Variants in FANCD2OS observed in about 807,000 individuals in gnomAD.
FANCD2OS encodes FANCD2 opposite strand.
FANCD2OS carries 11 observed loss-of-function variants against 13.2 expected under a neutral mutation model. The observed-to-expected ratio is 0.83, with a 90% CI of 0.52 to 1.38. FANCD2OS has a LOEUF of 1.38. Ranked by LOEUF, FANCD2OS falls within the 40% of genes most tolerant of loss-of-function variation. The pLI is 0.00. For synonymous variants in FANCD2OS, 69 were observed against 84.5 expected (o/e 0.82, Z 1.01); for missense variants, 217 against 213.9 (o/e 1.01, Z -0.09).
intron 1 of FANCD2OS, among the ~76,000 whole-genome samples, chr3:10,105,765 AAAAAAATTATATATAT>A (rs1695461160): frequency 4.8e-5 from 3 of 62,670 alleles, no homozygotes; most frequent in African/African-American, 3.2e-4. Context: ...AAAAAAAAAA[AAAAAAATTATATATAT>A]ATATATATAT....
intron 1 of FANCD2OS, among the ~76,000 whole-genome samples, chr3:10,107,431 G>C (rs891422618): frequency 3.3e-5 from 5 of 151,808 alleles, no homozygotes; most frequent in Non-Finnish European, 5.9e-5. Context: ...GACTACAGGC[G>C]CCTGCCACCA....
chr3:10,091,087 T>C (rs1012266660), intron 2 of FANCD2OS, among the ~76,000 whole-genome samples: 86 of 151,548 alleles, frequency 5.7e-4, no homozygotes, highest in African/African-American at 2.0e-3. Context: ...TTTTTCTTTT[T>C]TTTTTCTTTT....
chr3:10,103,351 G>A (rs1194666436), downstream of FANCD2OS, among the ~76,000 whole-genome samples: 2 of 152,080 alleles, frequency 1.3e-5, no homozygotes, highest in African/African-American at 2.4e-5. Context: ...GCGGTGAGCC[G>A]AGATGGCGCC....
chr3:10,087,860 GC>G (rs1352459031), intron 2 of FANCD2OS, among the ~76,000 whole-genome samples: 4 of 151,962 alleles, frequency 2.6e-5, no homozygotes, highest in African/African-American at 9.7e-5. Context: ...TGTTGGTCAG[GC>G]TGGTCTCGAA....
chr3:10,081,813 C>A lies in FANCD2OS; in HGVS notation c.*44-282G>T, dbSNP rs189658301. ...GAGCTGGGCTATTCCATGATACCTT[C>A]ATGGAAACAGTGGGACTCAAGGGAA... On this transcript the variant is annotated intron_variant, in intron 2 of 2. Coordinates refer to the FANCD2OS transcript ENST00000524279. 3.9e-5 allele frequency among the ~76,000 whole-genome samples: 6 copies of A among 152,226 alleles called. No individual in the cohort carries two copies. In the East Asian group the frequency reaches 9.7e-4, roughly 24 times the overall value.
Position 10,090,378 on chromosome 3 carries a change from C to T in FANCD2OS, c.*44-8847G>A, listed in dbSNP as rs374940277. 2.3e-5 allele frequency: 37 copies of T among 1,604,914 alleles called. No homozygotes were observed. The highest frequency in any genetic ancestry group is 5.0e-5 in the Admixed American group (3 of 59,736). ...ATTGAGCCTGGCACAGCAGCAGACT[C>T]GCAGCAGGTGAGTAAGATAATAGTC... On this transcript the variant is annotated intron_variant, in intron 2 of 2. Transcript: ENST00000524279.
Position 10,104,665 on chromosome 3 carries a change from G to A in FANCD2OS, c.110C>T (p.Pro37Leu). 6 of 1,614,160 alleles carry A rather than the reference G, an allele frequency of 3.7e-6. No homozygotes were observed. Among genetic ancestry groups the A allele is most frequent in the Non-Finnish European group, 5.1e-6 (6 of 1,180,034 alleles). Residue 37 changes from proline (P) to leucine (L), a missense_variant, in exon 2 of 2, where the codon CCC becomes CTC. Pro to Leu is a moderately conservative substitution (Grantham distance 98). Coordinates refer to ENST00000450660, the MANE Select transcript of FANCD2OS (RefSeq NM_001164839.2). ...PSSKHPFKAS[P>L]CFPHTPSDLE... ...GTCGGACGGTGTGTGTGGGAAGCAGGGGGAGGCCTTGAATGGGTGCTTGGA... is the reference window on the plus strand; with the variant it reads ...GTCGGACGGTGTGTGTGGGAAGCAGAGGGAGGCCTTGAATGGGTGCTTGGA...
chr3:10,085,386 TTTTC>T lies in FANCD2OS; in HGVS notation c.*44-3859_*44-3856del, dbSNP rs1310044035. On this transcript the variant is annotated intron_variant, in intron 2 of 2. Transcript: ENST00000524279. ...CTTTCCATTTCAATTCTTTTTTCTT[TTTTC>T]TTTCTTTTTTTTTTTTTTTTGAGAT... 3.3e-5 allele frequency among the ~76,000 whole-genome samples: 5 copies of T among 151,334 alleles called. No individual in the cohort carries two copies. In the South Asian group the frequency reaches 8.3e-4, roughly 25 times the overall value.
chr3:10,092,194 A>G (rs777644713), intron 2 of FANCD2OS: 27 of 1,613,948 alleles, frequency 1.7e-5, no homozygotes, highest in Non-Finnish European at 2.3e-5. Flanking sequence ...CATGAAGAGA[A>G]ACTCCTCTAC....
At chr3:10,097,398 C>CG (rs749194816) in intron 2 of FANCD2OS, among the ~76,000 whole-genome samples, 15 of 151,996 alleles carry the variant, frequency 9.9e-5, no homozygotes, top group African/African-American at 3.4e-4. Flanking sequence ...CAGGTACACC[C>CG]GGGGGGGCCC....
At chr3:10,098,209 TA>T (rs554742580), downstream of FANCD2OS, among the ~76,000 whole-genome samples, 82 of 152,314 alleles carry the variant, frequency 5.4e-4, no homozygotes, top group Non-Finnish European at 9.6e-4. Flanking sequence ...TGTTTCTGCA[TA>T]AAAATTGAAG....
intron 2 of FANCD2OS, among the ~76,000 whole-genome samples, chr3:10,097,022 G>A (rs890392629): frequency 6.6e-6 from 1 of 152,152 alleles, no homozygotes; most frequent in Non-Finnish European, 1.5e-5. Flanking sequence ...ATCACACGTT[G>A]ATAGGATCCG....
Position 10,104,301 on chromosome 3 carries a change from A to G in FANCD2OS, c.474T>C (p.Ser158=). Residue 158 remains serine (S), a synonymous_variant, in exon 2 of 2, where the codon TCT becomes TCC. Coordinates refer to ENST00000450660, the MANE Select transcript of FANCD2OS (RefSeq NM_001164839.2). ...TVTMCKQMLR[S]ILLLYATYKK... ...TGTAAGTTGCATACAGCAAGAGGAT[A>G]GAGCGCAGCATCTGTTTGCACATAG... 6.2e-7 allele frequency: 1 copy of G among 1,614,194 alleles called. No homozygotes were observed. Among genetic ancestry groups the G allele is most frequent in the Non-Finnish European group, 8.5e-7 (1 of 1,180,028 alleles).
chr3:10,093,581 G>T (rs765268017), intron 2 of FANCD2OS, among the ~76,000 whole-genome samples: 13 of 152,176 alleles, frequency 8.5e-5, no homozygotes, highest in Non-Finnish European at 1.5e-4. Flanking sequence ...TTGAGTTTAG[G>T]AGCAGTAGTT....
chr3:10,098,852 G>T (rs376442380), downstream of FANCD2OS: 8 of 1,614,148 alleles, frequency 5.0e-6, no homozygotes, highest in South Asian at 8.8e-5. Context: ...TGGCACTGAT[G>T]GTTGCATTTT....
downstream of FANCD2OS, among the ~76,000 whole-genome samples, chr3:10,100,926 G>A (rs549663714): frequency 1.7e-3 from 261 of 152,160 alleles, no homozygotes; most frequent in African/African-American, 5.9e-3. Context: ...AAAATTAGCC[G>A]GGCGTGGTGG....
At chr3:10,085,085 G>A (rs1049550486) in intron 2 of FANCD2OS, among the ~76,000 whole-genome samples, 1 of 152,120 alleles carries the variant, frequency 6.6e-6, no homozygotes, top group Non-Finnish European at 1.5e-5. Flanking sequence ...TAGGAGAAGG[G>A]GTAAGTACCA....
chr3:10,085,721 T>A, intron 2 of FANCD2OS: 1 of 859,420 alleles, frequency 1.2e-6, no homozygotes, highest in South Asian at 1.3e-5. Flanking sequence ...GTTAAACTAT[T>A]GATGGTACAG....
At chr3:10,097,481 G>C (rs1164163222) in intron 2 of FANCD2OS, among the ~76,000 whole-genome samples, 1 of 152,178 alleles carries the variant, frequency 6.6e-6, no homozygotes, top group African/African-American at 2.4e-5. Flanking sequence ...AGAATTCAGT[G>C]ATATTTCTCC....
Sources: allele counts gnomAD v4.1 joint callset (sites outside exome capture counted in the v4.1 genomes callset), GRCh38; gene constraint gnomAD v4.1.1; transcripts MANE v1.5; gene names NCBI Gene and HGNC (gene_info 2026-07-23, HGNC 2026-07-21).